CDS2: variants seen among roughly 807,000 people sequenced by gnomAD.
CDS2 encodes phosphatidate cytidylyltransferase 2.
A neutral mutation model predicts 59.0 loss-of-function variants in CDS2; 47 were observed. The ratio of observed to expected loss-of-function variants is 0.80; its 90% CI spans 0.63 to 1.02. The LOEUF (loss-of-function observed/expected upper bound fraction) is 1.02. Ranked by LOEUF, CDS2 falls within the 50% of genes least tolerant of loss-of-function variation. The pLI is 0.00. For missense variants in CDS2, 356 were observed against 558.9 expected, an observed-to-expected ratio of 0.64 and a Z score of 3.66; for synonymous variants, 207 against 206.4, an observed-to-expected ratio of 1.00 and a Z score of -0.02.
At chr20:5,129,917 G>C (rs910828941) in intron 1 of CDS2, among the ~76,000 whole-genome samples, 1 of 152,044 alleles carries the variant, frequency 6.6e-6, no homozygotes, top group Non-Finnish European at 1.5e-5. Context: ...TTTAAAAACT[G>C]TGAAATCTAT....
At chr20:5,147,436 C>T (rs2090752597) in intron 1 of CDS2, among the ~76,000 whole-genome samples, 2 of 152,162 alleles carry the variant, frequency 1.3e-5, no homozygotes, top group Non-Finnish European at 2.9e-5. Context: ...GCTGCCTGCA[C>T]ATCAGTAGTG....
rs185897318 is a variant in CDS2, at chr20:5,193,163, T to C, written c.*2929T>C. On this transcript the variant is annotated 3_prime_UTR_variant, in exon 13 of 13. Transcript: ENST00000460006. ...CAGGGTACCGAGTCTTTGCCTTTTG[T>C]GTGTGCGCATGCTGCCCTCTTAACT... 6.6e-6 allele frequency: 1 copy of C among 152,376 alleles called. No homozygotes were observed. The highest frequency in any genetic ancestry group is 6.5e-5 in the Admixed American group (1 of 15,312). 9.4% of individuals were successfully genotyped at this position (152,376 alleles called of 1,614,324 possible).
At chr20:5,154,059 A>T (rs1016698139) in intron 1 of CDS2, among the ~76,000 whole-genome samples, 3 of 152,026 alleles carry the variant, frequency 2.0e-5, no homozygotes, top group Non-Finnish European at 4.4e-5. Flanking sequence ...TCCTATAGAG[A>T]GATTTCTTTC....
chr20:5,150,947 A>G (rs934551247), intron 1 of CDS2, among the ~76,000 whole-genome samples: 4 of 152,214 alleles, frequency 2.6e-5, no homozygotes, highest in African/African-American at 9.7e-5. Flanking sequence ...CAGAGATCAC[A>G]TGCGGAGCCA....
At chr20:5,138,375 T>G (rs2090665364) in intron 1 of CDS2, among the ~76,000 whole-genome samples, 1 of 152,222 alleles carries the variant, frequency 6.6e-6, no homozygotes, top group Non-Finnish European at 1.5e-5. Flanking sequence ...TGTGTGTTCT[T>G]GGTTCCTTTG....
intron 1 of CDS2, among the ~76,000 whole-genome samples, chr20:5,157,037 A>G (rs532838099): frequency 6.6e-6 from 1 of 152,304 alleles, no homozygotes; most frequent in East Asian, 1.9e-4. Context: ...TAAAGGGACC[A>G]TTACTGCACA....
intron 1 of CDS2, among the ~76,000 whole-genome samples, chr20:5,139,622 C>T (rs937532033): frequency 2.0e-5 from 3 of 152,114 alleles, no homozygotes; most frequent in African/African-American, 7.2e-5. Context: ...AAGTGGACAT[C>T]CTTGTCTTCT....
At chr20:5,145,694 C>G (rs2090736129) in intron 1 of CDS2, among the ~76,000 whole-genome samples, 2 of 152,174 alleles carry the variant, frequency 1.3e-5, no homozygotes, top group African/African-American at 4.8e-5. Context: ...CCTGCTGTTT[C>G]TAAGGCCATA....
rs554139437 is a variant in CDS2 at position 5,196,849 on chromosome 20, C to G, written c.*6615C>G. 1 of 152,364 alleles carries G rather than the reference C, an allele frequency of 6.6e-6. No homozygotes were observed. Among genetic ancestry groups the G allele is most frequent in the South Asian group, 2.1e-4 (1 of 4,808 alleles). 9.4% of individuals were successfully genotyped at this position (152,364 alleles called of 1,614,324 possible). ...GAAGAGTTGAACAGACATCAGGGGC[C>G]GATGAAACCAAAGGACTAGGAGTCA... On this transcript the variant is annotated 3_prime_UTR_variant, in exon 13 of 13. Coordinates refer to ENST00000460006, the MANE Select transcript of CDS2 (RefSeq NM_003818.4).
chr20:5,134,952 C>A (rs1236946933), intron 1 of CDS2, among the ~76,000 whole-genome samples: 1 of 152,202 alleles, frequency 6.6e-6, no homozygotes, highest in African/African-American at 2.4e-5. Flanking sequence ...AAAACCTGCA[C>A]TGTCCTACTA....
At chr20:5,163,425 C>A (rs558262166) in intron 1 of CDS2, among the ~76,000 whole-genome samples, 1 of 152,182 alleles carries the variant, frequency 6.6e-6, no homozygotes, top group East Asian at 1.9e-4. Flanking sequence ...CCACTCCCTG[C>A]TAATTTTGTG....
chr20:5,154,831 A>C (rs1299099373), intron 1 of CDS2, among the ~76,000 whole-genome samples: 1 of 152,102 alleles, frequency 6.6e-6, no homozygotes, highest in East Asian at 1.9e-4. Flanking sequence ...CATTTTTAGT[A>C]GAGATGTGGT....
intron 1 of CDS2, among the ~76,000 whole-genome samples, chr20:5,167,844 A>G (rs959489060): frequency 2.6e-5 from 4 of 152,218 alleles, no homozygotes; most frequent in Non-Finnish European, 4.4e-5. Context: ...GCAGTGCAAA[A>G]AATTGTGTAG....
In CDS2 at chr20:5,182,186, T is replaced by G. The variant is rs184766958; in HGVS notation, c.530-201T>G. On this transcript the variant is annotated intron_variant, in intron 5 of 12. Coordinates refer to ENST00000460006, the MANE Select transcript of CDS2 (RefSeq NM_003818.4). ...TCTGCATGATTATAAAATATTGCCTTCCTTTTACTGTTTGGGAGGAGTTAT... is the reference window on the plus strand; with the variant it reads ...TCTGCATGATTATAAAATATTGCCTGCCTTTTACTGTTTGGGAGGAGTTAT... Among the ~76,000 whole-genome samples, 53 of 152,342 alleles carry G rather than the reference T, an allele frequency of 3.5e-4. 1 individual carries two copies. Among genetic ancestry groups the G allele is most frequent in the Non-Finnish European group, 6.0e-4 (41 of 68,026 alleles).
rs749059827 is a variant in CDS2 at position 5,127,050 on chromosome 20, C to T, written c.-43C>T. ...CGCGCCGAGCTGCCTGCTCCGGCGG[C>T]TTCGCTGCTAGCTCGCGGCGACGTC... is the stretch of plus-strand genomic sequence containing the variant. On this transcript the variant is annotated 5_prime_UTR_variant, in exon 1 of 13. Transcript: ENST00000460006. The T allele has an allele frequency of 8.8e-6, 13 of 1,480,356 alleles. No homozygotes were observed. The East Asian group carries it at 1.2e-4, about 14-fold the overall frequency. 91.7% of individuals were successfully genotyped at this position (1,480,356 alleles called of 1,614,324 possible).
At position 5,127,045 on chromosome 20, in the gene CDS2, GGCGGCTTCGCTGCTAGCTCGCGGCGAC is replaced by G. The variant is rs1375313587; in HGVS notation, c.-46_-20del. 3 of 1,475,860 alleles carry G rather than the reference GGCGGCTTCGCTGCTAGCTCGCGGCGAC, an allele frequency of 2.0e-6. No homozygotes were observed. In the Admixed American group the frequency reaches 7.3e-5, roughly 36 times the overall value. The allele number at this position is 1,475,860 out of a possible 1,614,324, so 91.4% of individuals were successfully genotyped here. On this transcript the variant is annotated 5_prime_UTR_variant, in exon 1 of 13. Coordinates refer to ENST00000460006, the MANE Select transcript of CDS2 (RefSeq NM_003818.4). ...GTGCCCGCGCCGAGCTGCCTGCTCC[GGCGGCTTCGCTGCTAGCTCGCGGCGAC>G]GTCGGGCCGATTTTCCCAGGATGAC...
chr20:5,176,917 A>T (rs2090999131), intron 4 of CDS2, among the ~76,000 whole-genome samples, 172 bp downstream of exon 4: 1 of 152,226 alleles, frequency 6.6e-6, no homozygotes, highest in Non-Finnish European at 1.5e-5. Context: ...TTTGAGCAAT[A>T]AGTGAAGAAA....
chr20:5,162,518 T>C (rs1482962435), intron 1 of CDS2, among the ~76,000 whole-genome samples: 1 of 152,166 alleles, frequency 6.6e-6, no homozygotes, highest in Non-Finnish European at 1.5e-5. Context: ...GTCAAAAGTG[T>C]TCTGTTTAGA....
chr20:5,135,391 G>A (rs1325297532), intron 1 of CDS2, among the ~76,000 whole-genome samples: 1 of 152,200 alleles, frequency 6.6e-6, no homozygotes, highest in Non-Finnish European at 1.5e-5. Context: ...TGTTGTTAAG[G>A]TCTCCCAGCC....
Sources: gnomAD v4.1 joint callset for allele counts (sites outside exome capture counted in the v4.1 genomes callset) on GRCh38, gnomAD v4.1.1 for gene constraint, MANE v1.5 for transcripts, NCBI Gene and HGNC (gene_info 2026-07-23, HGNC 2026-07-21) for gene names.